SOX6: variants seen among roughly 807,000 people sequenced by gnomAD.
SOX6 encodes SRY-box transcription factor 6, also known as transcription factor SOX-6.
A neutral mutation model predicts 97.8 loss-of-function variants in SOX6; 11 were observed. That is an observed-to-expected ratio of 0.11 (90% confidence interval 0.07 to 0.19). The LOEUF (loss-of-function observed/expected upper bound fraction) is 0.19. Among genes scored for constraint, SOX6 ranks in the 10% least tolerant of loss-of-function variants. The probability of loss-of-function intolerance (pLI) is 1.00; values close to 1 mark genes in which losing one functional copy is unlikely to be tolerated. For missense variants in SOX6, 810 were observed against 1,039.5 expected (o/e 0.78, Z 3.04); for synonymous variants, 360 against 371.4 (o/e 0.97, Z 0.35).
intron 15 of SOX6, among the ~76,000 whole-genome samples, chr11:15,983,379 C>T (rs1204335330): frequency 1.3e-5 from 2 of 152,056 alleles, no homozygotes; most frequent in Non-Finnish European, 2.9e-5. Context: ...AAAACTAACT[C>T]ATCAGCCACA....
chr11:16,231,410 A>C (rs1852846922), intron 4 of SOX6, among the ~76,000 whole-genome samples: 1 of 151,784 alleles, frequency 6.6e-6, no homozygotes, highest in Admixed American at 6.6e-5. Flanking sequence ...CTAATAGTCA[A>C]AAAACTCATT....
intron 9 of SOX6, among the ~76,000 whole-genome samples, chr11:16,056,108 T>C (rs1468998769): frequency 6.6e-6 from 1 of 151,686 alleles, no homozygotes; most frequent in Non-Finnish European, 1.5e-5. Flanking sequence ...TTTCTGGTCC[T>C]TCTAGCAACA....
At chr11:16,387,400 A>T (rs1858022433) in intron 1 of SOX6, among the ~76,000 whole-genome samples, 1 of 152,160 alleles carries the variant, frequency 6.6e-6, no homozygotes, top group Non-Finnish European at 1.5e-5. Flanking sequence ...AGATTTCATG[A>T]AGCAAAGAAA....
intron 1 of SOX6, among the ~76,000 whole-genome samples, chr11:16,423,611 C>T (rs1013269850): frequency 2.0e-5 from 3 of 151,976 alleles, no homozygotes; most frequent in Admixed American, 2.0e-4. Flanking sequence ...TGCTTGCATC[C>T]CTGTCAAAAA....
At chr11:16,641,818 T>A (rs1054632943) in intron 3 of SOX6, among the ~76,000 whole-genome samples, 2 of 152,184 alleles carry the variant, frequency 1.3e-5, no homozygotes, top group Admixed American at 6.5e-5. Flanking sequence ...ATGAGATGGG[T>A]TTCCTGAATA....
At chr11:16,250,155 G>A (rs1229266423) in intron 3 of SOX6, among the ~76,000 whole-genome samples, 2 of 152,136 alleles carry the variant, frequency 1.3e-5, no homozygotes, top group African/African-American at 4.8e-5. Flanking sequence ...CAGCAGTGGC[G>A]TTTGATTCTC....
In SOX6 at chr11:16,094,094, C is replaced by T. The variant is rs181671520; in HGVS notation, c.1101+1902G>A. ...ATAAAAACTGAGGAAACTATCAAAG[C>T]ATCCAGATTTAAACTGCAAAGCTAT... On this transcript the variant is annotated intron_variant, in intron 9 of 15. Transcript: ENST00000683767. Among the ~76,000 whole-genome samples the T allele has an allele frequency of 5.9e-5, 9 of 151,976 alleles. No homozygotes were observed. In the East Asian group the frequency reaches 1.7e-3, roughly 29 times the overall value.
At chr11:16,545,309 G>A (rs546377334) in intron 4 of SOX6, among the ~76,000 whole-genome samples, 2 of 150,384 alleles carry the variant, frequency 1.3e-5, no homozygotes, top group African/African-American at 2.4e-5. Context: ...ATAAACCCAT[G>A]GATCCAAAAA....
chr11:16,366,573 T>C (rs1403849375), intron 1 of SOX6, among the ~76,000 whole-genome samples: 2 of 152,162 alleles, frequency 1.3e-5, no homozygotes, highest in African/African-American at 4.8e-5. Flanking sequence ...TCAAATTCCA[T>C]GTTTTCACCA....
intron 4 of SOX6, among the ~76,000 whole-genome samples, chr11:16,583,614 C>CATATATACATATATATATATATAT (rs1554976095): frequency 1.9e-5 from 2 of 104,690 alleles, no homozygotes; most frequent in Non-Finnish European, 4.2e-5. Flanking sequence ...TATATATATA[C>CATATATACATATATATATATATAT]ATATATATAT....
At chr11:16,710,420 C>A (rs762421924) in intron 3 of SOX6, among the ~76,000 whole-genome samples, 1 of 152,144 alleles carries the variant, frequency 6.6e-6, no homozygotes, top group East Asian at 1.9e-4. Flanking sequence ...AATAAGTGGA[C>A]GAGCCAGAAC....
chr11:16,710,050 A>G (rs1848165879), intron 3 of SOX6, among the ~76,000 whole-genome samples: 1 of 152,160 alleles, frequency 6.6e-6, no homozygotes, highest in Admixed American at 6.5e-5. Flanking sequence ...CAAATGCTAT[A>G]TTTTTCTGTG....
chr11:16,664,059 T>A (rs776634850), intron 3 of SOX6, among the ~76,000 whole-genome samples: 10 of 151,958 alleles, frequency 6.6e-5, no homozygotes, highest in Admixed American at 1.3e-4. Context: ...GCCTAAGAGT[T>A]CAAGACAAGC....
chr11:16,220,290 A>T (rs1211507860), intron 4 of SOX6, among the ~76,000 whole-genome samples: 1 of 152,068 alleles, frequency 6.6e-6, no homozygotes, highest in Non-Finnish European at 1.5e-5. Flanking sequence ...TATAGAAAAC[A>T]ACATTTTAGG....
intron 15 of SOX6, among the ~76,000 whole-genome samples, chr11:15,983,867 T>C (rs1334427984): frequency 6.6e-6 from 1 of 152,114 alleles, no homozygotes; most frequent in Non-Finnish European, 1.5e-5. Context: ...AAAGTTCTTT[T>C]TATGTACCAT....
At chr11:16,381,765 C>A (rs1857828761) in intron 1 of SOX6, among the ~76,000 whole-genome samples, 1 of 151,738 alleles carries the variant, frequency 6.6e-6, no homozygotes, top group Non-Finnish European at 1.5e-5. Context: ...TCTAAAATTT[C>A]TTCTTATTCC....
chr11:15,978,922 T>A (rs1245265557), intron 15 of SOX6, among the ~76,000 whole-genome samples: 1 of 138,524 alleles, frequency 7.2e-6, no homozygotes, highest in Non-Finnish European at 1.6e-5. Context: ...AAGCATTATA[T>A]ATTATATATT....
At chr11:16,695,485 T>C (rs1177258870) in intron 3 of SOX6, among the ~76,000 whole-genome samples, 1 of 152,082 alleles carries the variant, frequency 6.6e-6, no homozygotes, top group Admixed American at 6.5e-5. Context: ...CCAAAATAAA[T>C]CACCATGCAT....
intron 9 of SOX6, among the ~76,000 whole-genome samples, chr11:16,069,179 T>C (rs1166020487): frequency 1.3e-5 from 2 of 152,172 alleles, no homozygotes; most frequent in South Asian, 4.1e-4. Context: ...GAAAACAAAA[T>C]GGTAGCAGAA....
Sources: allele counts gnomAD v4.1 joint callset (sites outside exome capture counted in the v4.1 genomes callset), GRCh38; gene constraint gnomAD v4.1.1; transcripts MANE v1.5; gene names NCBI Gene and HGNC (gene_info 2026-07-23, HGNC 2026-07-21).